Variants in BACH2 observed in about 807,000 individuals in gnomAD.
BACH2 encodes BACH transcriptional regulator 2.
BACH2 carries 5 observed loss-of-function variants against 61.8 expected under a neutral mutation model. The ratio of observed to expected loss-of-function variants is 0.08; its 90% CI spans 0.04 to 0.17. The LOEUF is 0.17. BACH2 is among the 10% of genes least tolerant of loss of function. BACH2 has a pLI of 1.00. For synonymous variants in BACH2, 446 were observed against 440.1 expected (o/e 1.01, Z -0.17); for missense variants, 824 against 1,091.1 (o/e 0.76, Z 3.45).
intron 1 of BACH2, among the ~76,000 whole-genome samples, chr6:90,286,888 A>C (rs1772034736): frequency 6.6e-6 from 1 of 152,240 alleles, no homozygotes; most frequent in African/African-American, 2.4e-5. Context: ...GGGGTACTAG[A>C]GAGAGGGAAA....
chr6:89,963,277 GTTTTATT>G (rs1358656342), intron 6 of BACH2, among the ~76,000 whole-genome samples: 1 of 152,086 alleles, frequency 6.6e-6, no homozygotes, highest in Non-Finnish European at 1.5e-5. Context: ...CTTGTGCACT[GTTTTATT>G]TTTTATTTTT....
chr6:90,212,498 A>G (rs151038831), intron 3 of BACH2, among the ~76,000 whole-genome samples: 140 of 152,296 alleles, frequency 9.2e-4, no homozygotes, highest in African/African-American at 3.1e-3. Context: ...ACATGGAGGC[A>G]GCAAACACAC....
At chr6:90,277,180 T>C (rs893065999) in intron 1 of BACH2, among the ~76,000 whole-genome samples, 2 of 152,174 alleles carry the variant, frequency 1.3e-5, no homozygotes, top group Non-Finnish European at 1.5e-5. Flanking sequence ...ATAATTATGT[T>C]GTTCACCTGA....
chr6:90,192,159 T>A (rs535486618), intron 4 of BACH2, among the ~76,000 whole-genome samples: 7 of 152,354 alleles, frequency 4.6e-5, no homozygotes, highest in Non-Finnish European at 1.0e-4. Flanking sequence ...TGGTTCAGTA[T>A]TAATGTGCTT....
At chr6:90,007,776 C>T (rs889723827) in intron 6 of BACH2, among the ~76,000 whole-genome samples, 2 of 152,190 alleles carry the variant, frequency 1.3e-5, no homozygotes, top group African/African-American at 4.8e-5. Flanking sequence ...AAGTACAAAG[C>T]TTGTGTAACT....
At chr6:90,295,769 C>T (rs1435346364) in intron 1 of BACH2, among the ~76,000 whole-genome samples, 1 of 152,224 alleles carries the variant, frequency 6.6e-6, no homozygotes, top group South Asian at 2.1e-4. Flanking sequence ...GTCTTAGCTA[C>T]GCGGGACGCT....
intron 5 of BACH2, among the ~76,000 whole-genome samples, chr6:90,025,432 T>C (rs1309512066): frequency 2.0e-5 from 3 of 152,234 alleles, no homozygotes; most frequent in African/African-American, 7.2e-5. Flanking sequence ...GTATTACTTC[T>C]TTGTGTCTAT....
intron 3 of BACH2, among the ~76,000 whole-genome samples, chr6:90,242,723 G>A (rs1770493842): frequency 6.6e-6 from 1 of 152,092 alleles, no homozygotes; most frequent in Admixed American, 6.5e-5. Flanking sequence ...CTACCAAAGT[G>A]TAACTTAATA....
intron 4 of BACH2, among the ~76,000 whole-genome samples, chr6:90,201,888 C>T (rs1205818588): frequency 6.6e-6 from 1 of 152,192 alleles, no homozygotes; most frequent in Non-Finnish European, 1.5e-5. Context: ...TTTGGTGAAA[C>T]AAACCATTGA....
chr6:89,965,093 G>A (rs541369338), intron 6 of BACH2, among the ~76,000 whole-genome samples: 1 of 152,234 alleles, frequency 6.6e-6, no homozygotes, highest in Admixed American at 6.5e-5. Flanking sequence ...CGCCATGTTG[G>A]TCAGGCTAGT....
At chr6:90,007,325 C>T (rs1455512981) in intron 6 of BACH2, among the ~76,000 whole-genome samples, 4 of 152,008 alleles carry the variant, frequency 2.6e-5, no homozygotes, top group Non-Finnish European at 4.4e-5. Context: ...CTGCTCGCCT[C>T]GGCCTCCCAA....
At chr6:90,010,641 G>A (rs1207019329) in intron 5 of BACH2, among the ~76,000 whole-genome samples, 1 of 152,178 alleles carries the variant, frequency 6.6e-6, no homozygotes. Flanking sequence ...TATGGTATGT[G>A]TAAGCATAAC....
In BACH2 at chr6:90,134,328, C is replaced by T. The variant is rs574988435; in HGVS notation, c.-161-45219G>A. 6.2e-4 allele frequency among the ~76,000 whole-genome samples: 95 copies of T among 152,306 alleles called. 1 individual carries two copies. In the South Asian group the frequency reaches 0.019, roughly 31 times the overall value. On this transcript the variant is annotated intron_variant, in intron 4 of 8. Coordinates refer to ENST00000257749, the MANE Select transcript of BACH2 (RefSeq NM_021813.4). ...CAAACACATGACTTCGCTTTTAATCCATTTTAATTTAGAAATATTTCTGTA... is the reference window on the plus strand; with the variant it reads ...CAAACACATGACTTCGCTTTTAATCTATTTTAATTTAGAAATATTTCTGTA...
intron 2 of BACH2, among the ~76,000 whole-genome samples, chr6:90,268,276 G>A (rs912528048): frequency 6.6e-6 from 1 of 152,122 alleles, no homozygotes; most frequent in Non-Finnish European, 1.5e-5. Flanking sequence ...AAAGTGCTGG[G>A]ATTACAGCCA....
chr6:90,253,279 A>ACT (rs1209690617), intron 2 of BACH2, among the ~76,000 whole-genome samples: 2 of 152,146 alleles, frequency 1.3e-5, no homozygotes, highest in African/African-American at 4.8e-5. Flanking sequence ...TAATTTGTCC[A>ACT]CTACCTTTTA....
intron 4 of BACH2, among the ~76,000 whole-genome samples, chr6:90,095,581 T>C (rs1782348421): frequency 6.6e-6 from 1 of 152,150 alleles, no homozygotes; most frequent in Non-Finnish European, 1.5e-5. Context: ...TATCAGATTT[T>C]CACTTCTATC....
At chr6:90,054,243 C>G (rs1181747244) in intron 5 of BACH2, among the ~76,000 whole-genome samples, 3 of 152,182 alleles carry the variant, frequency 2.0e-5, no homozygotes, top group African/African-American at 7.2e-5. Flanking sequence ...CAGACGGCAC[C>G]TGGAAAATCA....
At chr6:90,261,320 G>A (rs919217732) in intron 2 of BACH2, among the ~76,000 whole-genome samples, 1 of 152,040 alleles carries the variant, frequency 6.6e-6, no homozygotes, top group Non-Finnish European at 1.5e-5. Context: ...CTGTCTAATG[G>A]ATTATATCTA....
chr6:90,060,191 A>T (rs1780610553), intron 5 of BACH2, among the ~76,000 whole-genome samples: 1 of 150,410 alleles, frequency 6.6e-6, no homozygotes, highest in African/African-American at 2.5e-5. Context: ...CTCTTCACTT[A>T]AAAAAAAAGA....
Sources: allele counts gnomAD v4.1 joint callset (sites outside exome capture counted in the v4.1 genomes callset), GRCh38; gene constraint gnomAD v4.1.1; transcripts MANE v1.5; gene names NCBI Gene and HGNC (gene_info 2026-07-23, HGNC 2026-07-21).